Variants in PRKAR1B observed in about 807,000 individuals in gnomAD.
PRKAR1B encodes the protein protein kinase cAMP-dependent type I regulatory subunit beta.
In PRKAR1B, 22 loss-of-function variants were observed where a neutral mutation model predicts 46.5. The observed-to-expected ratio is 0.47, with a 90% confidence interval of 0.34 to 0.68. PRKAR1B has a LOEUF of 0.68. Among genes scored for constraint, PRKAR1B ranks in the 30% least tolerant of loss-of-function variants. The pLI is 0.01. For missense variants in PRKAR1B, 445 were observed against 535.6 expected, an observed-to-expected ratio of 0.83 and a Z score of 1.67; for synonymous variants, 259 against 217.7, an observed-to-expected ratio of 1.19 and a Z score of -1.67.
intron 2 of PRKAR1B, among the ~76,000 whole-genome samples, chr7:703,432 G>A (rs566251863): frequency 3.3e-5 from 5 of 152,198 alleles, no homozygotes; most frequent in Admixed American, 6.5e-5. Flanking sequence ...GGATCACGAG[G>A]TCAAGAGATC....
chr7:715,752 G>C (rs959996088), intron 1 of PRKAR1B, among the ~76,000 whole-genome samples: 2 of 151,454 alleles, frequency 1.3e-5, no homozygotes, highest in Non-Finnish European at 2.9e-5. Context: ...GTCTCATTCT[G>C]TCACCCAGGC....
chr7:693,357 C>T lies in PRKAR1B; in HGVS notation c.178-12631G>A, dbSNP rs567568965. ...TCACCGTGCTGTGCAACCACCACCT[C>T]CATCCAGATCCAGGACCTTTGCAGA... On this transcript the variant is annotated intron_variant, in intron 2 of 10. Coordinates refer to ENST00000537384, the MANE Select transcript of PRKAR1B (RefSeq NM_001164760.2). Among the ~76,000 whole-genome samples, 7 of 152,158 alleles carry T rather than the reference C, an allele frequency of 4.6e-5. No homozygotes were observed. In the South Asian group the frequency reaches 1.5e-3, roughly 32 times the overall value.
At chr7:694,407 C>A (rs534343885) in intron 2 of PRKAR1B, among the ~76,000 whole-genome samples, 38 of 152,298 alleles carry the variant, frequency 2.5e-4, no homozygotes, top group African/African-American at 8.7e-4. Context: ...CAGGTCTCGT[C>A]TGGACGCTCA....
chr7:550,485 TCA>T lies in PRKAR1B; in HGVS notation c.1089_1090del (p.Glu364AspfsTer60). 6.3e-7 allele frequency: 1 copy of T among 1,598,996 alleles called. No individual in the cohort carries two copies. Among genetic ancestry groups the T allele is most frequent in the Non-Finnish European group, 8.5e-7 (1 of 1,173,368 alleles). On this transcript the variant is annotated frameshift_variant, in exon 11 of 11. Coordinates refer to ENST00000537384, the MANE Select transcript of PRKAR1B (RefSeq NM_001164760.2). LOFTEE classifies it high-confidence loss of function. ...ACGCTGAATGTTCCTCTTGAGGATC[TCA>T]GAGCAGGGCCCCAGCACACGCTCGA...
intron 2 of PRKAR1B, among the ~76,000 whole-genome samples, chr7:697,625 G>A (rs1391718536): frequency 6.6e-6 from 1 of 151,920 alleles, no homozygotes; most frequent in Non-Finnish European, 1.5e-5. Flanking sequence ...TGAGGACCAG[G>A]GGTCTCCAGG....
At chr7:643,336 G>A (rs1158201617) in intron 4 of PRKAR1B, among the ~76,000 whole-genome samples, 1 of 151,436 alleles carries the variant, frequency 6.6e-6, no homozygotes, top group Non-Finnish European at 1.5e-5. Context: ...CGAGGCACGG[G>A]GAATCCCTAA....
intron 4 of PRKAR1B, among the ~76,000 whole-genome samples, chr7:641,833 T>C (rs1784404277): frequency 6.6e-6 from 1 of 152,218 alleles, no homozygotes; most frequent in Non-Finnish European, 1.5e-5. Context: ...TTATTTACTT[T>C]TATTATCACT....
At chr7:558,554 G>A (rs766518592) in intron 9 of PRKAR1B, among the ~76,000 whole-genome samples, 4 of 151,868 alleles carry the variant, frequency 2.6e-5, no homozygotes, top group Admixed American at 6.6e-5. Flanking sequence ...TCAGTAGTTC[G>A]AGGCCAGCCT....
intron 9 of PRKAR1B, among the ~76,000 whole-genome samples, chr7:567,421 C>T (rs1357916231): frequency 2.9e-5 from 4 of 138,606 alleles, no homozygotes; most frequent in Admixed American, 7.2e-5. Flanking sequence ...ATCATCATCA[C>T]CATCATCACC....
chr7:559,484 G>A (rs1445694874), intron 9 of PRKAR1B, among the ~76,000 whole-genome samples: 1 of 152,200 alleles, frequency 6.6e-6, no homozygotes, highest in Admixed American at 6.5e-5. Context: ...GGAGCCCCGA[G>A]TGGTGCAGGA....
intron 9 of PRKAR1B, among the ~76,000 whole-genome samples, chr7:574,136 G>A (rs1365916330): frequency 2.0e-5 from 3 of 152,232 alleles, no homozygotes; most frequent in East Asian, 3.9e-4. Flanking sequence ...TTTCCTACAC[G>A]GGTCCTTGGG....
At chr7:662,391 T>C (rs1271616507) in intron 4 of PRKAR1B, among the ~76,000 whole-genome samples, 72 of 35,554 alleles carry the variant, frequency 2.0e-3, no homozygotes, top group Admixed American at 2.7e-3. Flanking sequence ...TACTCTTCCC[T>C]CCATGGCACA....
chr7:554,961 A>G (rs1053631980), intron 9 of PRKAR1B, among the ~76,000 whole-genome samples: 1 of 152,170 alleles, frequency 6.6e-6, no homozygotes, highest in Non-Finnish European at 1.5e-5. Context: ...GGGAGGTGCA[A>G]GGTCCTCAAT....
At chr7:685,003 A>G (rs914942725) in intron 2 of PRKAR1B, among the ~76,000 whole-genome samples, 1 of 151,656 alleles carries the variant, frequency 6.6e-6, no homozygotes, top group Admixed American at 6.6e-5. Context: ...CCCCATTACC[A>G]TCTGCCATGA....
intron 3 of PRKAR1B, among the ~76,000 whole-genome samples, chr7:677,889 G>C (rs960072459): frequency 1.3e-5 from 2 of 152,202 alleles, no homozygotes; most frequent in African/African-American, 2.4e-5. Flanking sequence ...ACATGATAGA[G>C]CCTATCGCTC....
Position 579,245 on chromosome 7 carries a change from G to T in PRKAR1B, c.891+11C>A. The T allele has an allele frequency of 2.5e-6, 4 of 1,614,056 alleles. No homozygotes were observed. Among genetic ancestry groups the T allele is most frequent in the Non-Finnish European group, 3.4e-6 (4 of 1,179,998 alleles). On this transcript the variant is annotated intron_variant, in intron 9 of 10. Coordinates refer to ENST00000537384, the MANE Select transcript of PRKAR1B (RefSeq NM_001164760.2). ...CACACCCAGAGCGCCCACGTGGGAA[G>T]CACGTCTCACCTCCGTGATGATGTA...
At chr7:724,295 CCCA>C (rs1781173699) in intron 1 of PRKAR1B, among the ~76,000 whole-genome samples, 1 of 152,150 alleles carries the variant, frequency 6.6e-6, no homozygotes, top group Non-Finnish European at 1.5e-5. Context: ...TCCCACAATT[CCCA>C]CGTGTTGTGG....
chr7:678,709 G>A (rs560103607), intron 3 of PRKAR1B, among the ~76,000 whole-genome samples: 1 of 152,386 alleles, frequency 6.6e-6, no homozygotes, highest in South Asian at 2.1e-4. Flanking sequence ...TGCGTGTAAC[G>A]CAGAGAGCCC....
chr7:630,866 A>G (rs1783694913), intron 4 of PRKAR1B, among the ~76,000 whole-genome samples: 2 of 151,726 alleles, frequency 1.3e-5, no homozygotes, highest in Admixed American at 1.3e-4. Context: ...CACACGTGTG[A>G]CCTTCCAGCT....
Sources: allele counts gnomAD v4.1 joint callset (sites outside exome capture counted in the v4.1 genomes callset), GRCh38; gene constraint gnomAD v4.1.1; transcripts MANE v1.5; gene names NCBI Gene and HGNC (gene_info 2026-07-23, HGNC 2026-07-21).